Variants in GATA4 observed in about 807,000 individuals in gnomAD.
GATA4 encodes the protein GATA binding protein 4.
In GATA4, 7 loss-of-function variants were observed where a neutral mutation model predicts 37.9. That is an observed-to-expected ratio of 0.18 (90% CI 0.11 to 0.35). The LOEUF is 0.35. Among genes scored for constraint, GATA4 ranks in the 10% least tolerant of loss-of-function variants. The probability of loss-of-function intolerance (pLI) is 1.00; values close to 1 mark genes in which losing one functional copy is unlikely to be tolerated. For synonymous variants in GATA4, 372 were observed against 292.6 expected, an observed-to-expected ratio of 1.27 and a Z score of -2.77; for missense variants, 647 against 653.0, an observed-to-expected ratio of 0.99 and a Z score of 0.10.
intron 1 of GATA4, among the ~76,000 whole-genome samples, chr8:11,678,449 T>G (rs1438514943): frequency 6.6e-6 from 1 of 152,216 alleles, no homozygotes; most frequent in African/African-American, 2.4e-5. Context: ...TGCCCAACTC[T>G]CTGGCTTGCT....
At chr8:11,714,898 G>A (rs1800369091) in intron 2 of GATA4, among the ~76,000 whole-genome samples, 2 of 152,180 alleles carry the variant, frequency 1.3e-5, no homozygotes, top group African/African-American at 2.4e-5. Flanking sequence ...AGAGTCTTAG[G>A]TGTAGTAGCC....
At chr8:11,723,218 G>A (rs1276381332) in intron 2 of GATA4, among the ~76,000 whole-genome samples, 1 of 152,030 alleles carries the variant, frequency 6.6e-6, no homozygotes, top group South Asian at 2.1e-4. Context: ...TTAGGCAGGG[G>A]TGGTGGCATG....
At chr8:11,710,479 A>C (rs1800128432) in intron 2 of GATA4, among the ~76,000 whole-genome samples, 1 of 150,888 alleles carries the variant, frequency 6.6e-6, no homozygotes, top group Non-Finnish European at 1.5e-5. Flanking sequence ...CAGGAGATCG[A>C]GACCATCCTG....
Position 11,708,238 on chromosome 8 carries a change from C to T in GATA4, c.-75C>T, listed in dbSNP as rs975058967. On this transcript the variant is annotated 5_prime_UTR_variant, in exon 2 of 7. Transcript: ENST00000532059. The surrounding 1 kb of genome is among the most constrained non-coding windows in gnomAD (Gnocchi z 6.7). ...CCACGCATATTATCGTTGTTGCCGT[C>T]GTTTTCTCTCCCCGCGTGGCTCCTT... 17 of 1,499,310 alleles carry T rather than the reference C, an allele frequency of 1.1e-5. No homozygotes were observed. The highest frequency in any genetic ancestry group is 2.8e-5 in the African/African-American group (2 of 72,510). The allele number at this position is 1,499,310 out of a possible 1,614,324, so 92.9% of individuals were successfully genotyped here.
chr8:11,742,638 G>A (rs771666054), intron 2 of GATA4, among the ~76,000 whole-genome samples: 25 of 152,344 alleles, frequency 1.6e-4, no homozygotes, highest in Non-Finnish European at 3.1e-4. Flanking sequence ...ATCCCCGGCC[G>A]GAGCGCCGCT....
chr8:11,724,944 C>T (rs1800845064), intron 2 of GATA4, among the ~76,000 whole-genome samples: 1 of 152,236 alleles, frequency 6.6e-6, no homozygotes, highest in Admixed American at 6.5e-5. Flanking sequence ...AAGGGAAGAG[C>T]TGTATGTGTA....
chr8:11,733,481 C>G (rs747168034), intron 2 of GATA4, among the ~76,000 whole-genome samples: 2 of 152,178 alleles, frequency 1.3e-5, no homozygotes, highest in Non-Finnish European at 2.9e-5. Flanking sequence ...AAATTACTTG[C>G]TGAAATGCAG....
At chr8:11,691,217 C>T (rs1331534609), upstream of GATA4, among the ~76,000 whole-genome samples, 4 of 152,238 alleles carry the variant, frequency 2.6e-5, no homozygotes, top group African/African-American at 9.7e-5. Context: ...TTTTATTTTG[C>T]ATATTCAGAT....
At chr8:11,715,933 C>T (rs1247338466) in intron 2 of GATA4, among the ~76,000 whole-genome samples, 1 of 152,132 alleles carries the variant, frequency 6.6e-6, no homozygotes, top group Non-Finnish European at 1.5e-5. Flanking sequence ...AATTTGACCA[C>T]TCTAGGGACC....
intron 2 of GATA4, among the ~76,000 whole-genome samples, chr8:11,744,971 A>G (rs1307921542): frequency 1.3e-5 from 2 of 152,296 alleles, no homozygotes; most frequent in African/African-American, 4.8e-5. Flanking sequence ...TTCAAATCCA[A>G]TTTGTCCAAA....
chr8:11,754,723 G>A (rs1802466401), intron 4 of GATA4, among the ~76,000 whole-genome samples: 1 of 152,150 alleles, frequency 6.6e-6, no homozygotes, highest in South Asian at 2.1e-4. Context: ...GTGTTTCTCT[G>A]TCTTTTTACA....
At chr8:11,753,496 G>GAAAAAAA (rs34925763) in intron 4 of GATA4, among the ~76,000 whole-genome samples, 1 of 143,210 alleles carries the variant, frequency 7.0e-6, no homozygotes, top group Non-Finnish European at 1.5e-5. Flanking sequence ...TACTGCAACT[G>GAAAAAAA]AAAAAAAAAA....
chr8:11,693,556 CACACACAGAGAG>C lies in GATA4; in HGVS notation c.-729+898_-729+909del, dbSNP rs1307969112. ...ACACACACACACACACACACACACA[CACACACAGAGAG>C]AGAGAGAGAGAGAGAGAGAGAGAGA... On this transcript the variant is annotated intron_variant, in intron 1 of 2. Transcript: ENST00000526974. Among the ~76,000 whole-genome samples the C allele has an allele frequency of 3.0e-3, 306 of 103,658 alleles. 2 individuals are homozygous for C. The highest frequency in any genetic ancestry group is 6.0e-3 in the South Asian group (16 of 2,656). The allele number at this position is 103,658 out of a possible 152,430, so 68.0% of individuals were successfully genotyped here.
In GATA4 at chr8:11,732,941, G is replaced by A. The variant is rs569973629; in HGVS notation, c.617-15975G>A. Among the ~76,000 whole-genome samples the A allele has an allele frequency of 1.1e-3, 162 of 152,148 alleles. 1 individual carries two copies. Among genetic ancestry groups the A allele is most frequent in the African/African-American group, 3.4e-3 (143 of 41,514 alleles). ...TACCTCTCAGCTCTCCTGCCTGTTC[G>A]CCTCCCAAATGCCCAACCTCCAAAT... On this transcript the variant is annotated intron_variant, in intron 2 of 6. Coordinates refer to ENST00000532059, the MANE Select transcript of GATA4 (RefSeq NM_001308093.3).
chr8:11,757,737 G>A (rs78683030), intron 6 of GATA4, among the ~76,000 whole-genome samples: 2,899 of 152,332 alleles, frequency 0.019, 83 homozygotes, highest in East Asian at 0.073. Context: ...GGCGGAGGAC[G>A]ATGGCGTCTC....
In GATA4 at chr8:11,727,355, G is replaced by C. The variant is rs1213641161; in HGVS notation, c.616+18427G>C. Among the ~76,000 whole-genome samples, 4 of 152,186 alleles carry C rather than the reference G, an allele frequency of 2.6e-5. No homozygotes were observed. The East Asian group carries it at 7.7e-4, about 29-fold the overall frequency. On this transcript the variant is annotated intron_variant, in intron 2 of 6. Coordinates refer to ENST00000532059, the MANE Select transcript of GATA4 (RefSeq NM_001308093.3). Reference sequence around the variant, plus strand: ...AGAATGGACCCGCCTGCTGGGAAGGGGGGAGAGCTGGCCATATAAGCAGCT... The same window carrying C: ...AGAATGGACCCGCCTGCTGGGAAGGCGGGAGAGCTGGCCATATAAGCAGCT...
rs534517219 is a variant in GATA4, at chr8:11,734,169, C to G, written c.617-14747C>G. ...ATGGCTAAAATATATCTCCTATATC[C>G]TAGATACACTTTTCTCATGTGTATA... On this transcript the variant is annotated intron_variant, in intron 2 of 6. Coordinates refer to ENST00000532059, the MANE Select transcript of GATA4 (RefSeq NM_001308093.3). Among the ~76,000 whole-genome samples, 5 of 152,308 alleles carry G rather than the reference C, an allele frequency of 3.3e-5. No individual in the cohort carries two copies. In the South Asian group the frequency reaches 1.0e-3, roughly 32 times the overall value.
In GATA4 at chr8:11,708,729, G is replaced by A. The variant is rs1800017604; in HGVS notation, c.417G>A (p.Ala139=). Residue 139 remains alanine (A), a synonymous_variant, in exon 2 of 7, where the codon GCG becomes GCA. Transcript: ENST00000532059. The surrounding 1 kb of genome is among the most constrained non-coding windows in gnomAD (Gnocchi z 6.7). ...AAAYSSGGGA[A]GAGLAGREQY... ...CCTACAGCAGTGGCGGCGGAGCGGCGGGTGCGGGCCTGGCGGGCCGCGAGC... is the reference window on the plus strand; with the variant it reads ...CCTACAGCAGTGGCGGCGGAGCGGCAGGTGCGGGCCTGGCGGGCCGCGAGC... The A allele has an allele frequency of 7.9e-7, 1 of 1,270,440 alleles. No homozygotes were observed. The highest frequency in any genetic ancestry group is 9.9e-7 in the Non-Finnish European group (1 of 1,015,056). The allele number at this position is 1,270,440 out of a possible 1,614,324, so 78.7% of individuals were successfully genotyped here. A position where few individuals can be genotyped will look rare whatever the true frequency, so the allele number is the denominator to read the frequency against.
chr8:11,677,505 C>T (rs1271301066), intron 1 of GATA4, among the ~76,000 whole-genome samples: 2 of 152,188 alleles, frequency 1.3e-5, no homozygotes, highest in African/African-American at 2.4e-5. Context: ...GACCATCTGG[C>T]CTCTGCTTCC....
Sources: gnomAD v4.1 joint callset for allele counts (sites outside exome capture counted in the v4.1 genomes callset) on GRCh38, gnomAD v4.1.1 for gene constraint, Gnocchi (gnomAD v3.1) non-coding constraint, MANE v1.5 for transcripts, NCBI Gene and HGNC (gene_info 2026-07-23, HGNC 2026-07-21) for gene names.